The following CCDC178 variants were observed in gnomAD, a reference collection of about 807,000 sequenced individuals.
The protein encoded by CCDC178 is coiled-coil domain containing 178, also known as coiled-coil domain-containing protein 178.
Under a neutral mutation model 117.4 loss-of-function variants are expected in CCDC178, and 126 were observed. That is an observed-to-expected ratio of 1.07 (90% CI 0.93 to 1.24). The LOEUF (loss-of-function observed/expected upper bound fraction) is 1.24, where lower values mean the gene tolerates loss of function less well. CCDC178 is among the 50% of genes most tolerant of loss of function. The pLI, the probability that CCDC178 is intolerant of heterozygous loss-of-function variation, is 0.00. For missense variants in CCDC178, 1,030 were observed against 986.9 expected (o/e 1.04, Z -0.59); for synonymous variants, 283 against 313.4 (o/e 0.90, Z 1.02).
chr18:33,144,834 C>T (rs965441057), intron 20 of CCDC178, among the ~76,000 whole-genome samples: 1 of 152,078 alleles, frequency 6.6e-6, no homozygotes, highest in South Asian at 2.1e-4. Context: ...ACTCAACAAA[C>T]GAGCAGTATT....
rs763240546 is a variant in CCDC178 at position 33,033,933 on chromosome 18, G to GTA, written c.2388+58826_2388+58827dup. On this transcript the variant is annotated intron_variant, in intron 21 of 22. Transcript: ENST00000383096. ...AACCCAAGACAATATCTGTGTGTGT[G>GTA]TATATATATATATGTGTATATATAT... Among the ~76,000 whole-genome samples the GTA allele has an allele frequency of 1.7e-3, 253 of 150,772 alleles. 1 individual carries two copies. Among genetic ancestry groups the GTA allele is most frequent in the African/African-American group, 4.0e-3 (166 of 41,100 alleles).
intron 21 of CCDC178, among the ~76,000 whole-genome samples, chr18:33,048,733 C>A (rs1486392095): frequency 6.6e-6 from 1 of 151,988 alleles, no homozygotes; most frequent in Non-Finnish European, 1.5e-5. Context: ...TTAAGGATAG[C>A]TTCATTTTTA....
chr18:33,340,917 C>A (rs2062809379), intron 9 of CCDC178, among the ~76,000 whole-genome samples: 1 of 152,174 alleles, frequency 6.6e-6, no homozygotes, highest in Non-Finnish European at 1.5e-5. Flanking sequence ...CCAACAGAGT[C>A]CCTACTGGGG....
chr18:33,303,922 T>G (rs111763000), intron 11 of CCDC178, among the ~76,000 whole-genome samples: 1 of 152,114 alleles, frequency 6.6e-6, no homozygotes, highest in Non-Finnish European at 1.5e-5. Flanking sequence ...AAGCATCCTA[T>G]GCAGTTCATG....
At chr18:33,226,932 A>T (rs76533735) in intron 15 of CCDC178, 77 bp from the exon 16 acceptor site, 28,955 of 652,780 alleles carry the variant, frequency 0.044, 1,113 homozygotes, top group African/African-American at 0.14. Flanking sequence ...AATTGCTAAT[A>T]TAAGACACAT....
intron 20 of CCDC178, among the ~76,000 whole-genome samples, chr18:33,129,643 C>G (rs2144250183): frequency 6.6e-6 from 1 of 151,148 alleles, no homozygotes; most frequent in South Asian, 2.1e-4. Context: ...AATAATGTTC[C>G]AGCAAAAAAA....
intron 15 of CCDC178, among the ~76,000 whole-genome samples, chr18:33,243,192 G>A (rs760502329): frequency 6.6e-6 from 1 of 151,740 alleles, no homozygotes; most frequent in Non-Finnish European, 1.5e-5. Context: ...ATGTGAAAAC[G>A]AACCAAAATT....
chr18:32,969,702 A>T (rs1344071113), intron 22 of CCDC178, among the ~76,000 whole-genome samples: 1 of 152,028 alleles, frequency 6.6e-6, no homozygotes, highest in Non-Finnish European at 1.5e-5. Flanking sequence ...CTTGTATAAA[A>T]TACCACAGAT....
At chr18:33,227,970 A>G (rs2059327612) in intron 15 of CCDC178, among the ~76,000 whole-genome samples, 1 of 152,190 alleles carries the variant, frequency 6.6e-6, no homozygotes, top group Non-Finnish European at 1.5e-5. Context: ...CAGTTTGTTT[A>G]TTATTTAATA....
At chr18:33,030,348 T>C (rs1005625885) in intron 21 of CCDC178, among the ~76,000 whole-genome samples, 2 of 152,102 alleles carry the variant, frequency 1.3e-5, no homozygotes, top group African/African-American at 2.4e-5. Flanking sequence ...TATTTGTATA[T>C]TGAATCTAAA....
chr18:33,377,594 A>G, intron 5 of CCDC178, among the ~76,000 whole-genome samples: 1 of 152,088 alleles, frequency 6.6e-6, no homozygotes, highest in Admixed American at 6.6e-5. Context: ...TTACATTTAA[A>G]TCATTAGTCT....
chr18:33,249,828 G>A (rs2059596765), intron 14 of CCDC178, among the ~76,000 whole-genome samples: 2 of 152,086 alleles, frequency 1.3e-5, no homozygotes, highest in South Asian at 2.1e-4. Flanking sequence ...GCTTGATGGG[G>A]ATGGCATTGA....
rs1320167892 is a variant in CCDC178, at chr18:33,267,051, T to C, written c.1274A>G (p.Lys425Arg). The change falls in exon 14 of 23, where the codon AAA becomes AGA. Residue 425 changes from lysine to arginine, a missense_variant and splice_region_variant. Physicochemically the swap from Lys to Arg is conservative, Grantham distance 26. Transcript: ENST00000383096. ...LEAVNDFYAA[K>R]KTWDIELSDV... ...AGAAAGCTCAATATCCCATGTTTTT[T>C]TCTTTAAGAAAAGAATAAAAGAATC... The C allele has an allele frequency of 1.3e-5, 21 of 1,578,874 alleles. No individual in the cohort carries two copies. Among genetic ancestry groups the C allele is most frequent in the Middle Eastern group, 1.7e-4 (1 of 5,848 alleles).
chr18:32,958,426 C>A (rs918553164), intron 22 of CCDC178, among the ~76,000 whole-genome samples: 3 of 152,118 alleles, frequency 2.0e-5, no homozygotes, highest in Non-Finnish European at 4.4e-5. Flanking sequence ...TGCTTTGTAA[C>A]CATGGTTAGC....
intron 9 of CCDC178, among the ~76,000 whole-genome samples, chr18:33,335,575 A>G (rs2062728864): frequency 6.6e-6 from 1 of 151,958 alleles, no homozygotes; most frequent in South Asian, 2.1e-4. Flanking sequence ...GATGCATTCC[A>G]TGCAATTTCT....
At chr18:32,961,831 C>T (rs1282586657) in intron 22 of CCDC178, among the ~76,000 whole-genome samples, 1 of 152,086 alleles carries the variant, frequency 6.6e-6, no homozygotes, top group Non-Finnish European at 1.5e-5. Context: ...GGACTTGTAC[C>T]TGTCTGCAGC....
Position 33,028,187 on chromosome 18 carries a change from A to G in CCDC178, c.2389-53506T>C, listed in dbSNP as rs200283932. Among the ~76,000 whole-genome samples the G allele has an allele frequency of 3.3e-5, 5 of 151,860 alleles. No homozygotes were observed. The East Asian group carries it at 9.6e-4, about 29-fold the overall frequency. On this transcript the variant is annotated intron_variant, in intron 21 of 22. Transcript: ENST00000383096. ...CACATTTACAGTAGAGAAAGACAAC[A>G]AAACCAAATGTTCATTCTTAGAATA...
chr18:33,298,282 T>C (rs2062132509), intron 11 of CCDC178, among the ~76,000 whole-genome samples: 1 of 152,078 alleles, frequency 6.6e-6, no homozygotes, highest in African/African-American at 2.4e-5. Flanking sequence ...CACACCATGA[T>C]CAGGTGGGAT....
At chr18:33,187,224 C>A (rs562623631) in intron 20 of CCDC178, among the ~76,000 whole-genome samples, 1 of 152,078 alleles carries the variant, frequency 6.6e-6, no homozygotes, top group African/African-American at 2.4e-5. Context: ...CCATCATCTC[C>A]CATCAGGTCC....
Sources: allele counts gnomAD v4.1 joint callset (sites outside exome capture counted in the v4.1 genomes callset), GRCh38; gene constraint gnomAD v4.1.1; transcripts MANE v1.5; gene names NCBI Gene and HGNC (gene_info 2026-07-23, HGNC 2026-07-21).